DIP2A: variants seen among roughly 807,000 people sequenced by gnomAD.
DIP2A encodes disco-interacting protein 2 homolog A.
Under a neutral mutation model 177.4 loss-of-function variants are expected in DIP2A, and 85 were observed. The ratio of observed to expected loss-of-function variants is 0.48; its 90% CI spans 0.40 to 0.57. The LOEUF is 0.57. DIP2A is among the 20% of genes least tolerant of loss of function. The pLI is 0.00. For synonymous variants in DIP2A, 886 were observed against 881.8 expected, an observed-to-expected ratio of 1.00 and a Z score of -0.08; for missense variants, 1,791 against 2,100.2, an observed-to-expected ratio of 0.85 and a Z score of 2.88.
intron 13 of DIP2A, among the ~76,000 whole-genome samples, chr21:46,535,578 A>G (rs1307671407): frequency 1.3e-5 from 2 of 152,198 alleles, no homozygotes; most frequent in Non-Finnish European, 2.9e-5. Flanking sequence ...GAAATTTTAA[A>G]TAGAATTTTT....
chr21:46,494,419 G>C (rs1315895581), intron 3 of DIP2A, among the ~76,000 whole-genome samples: 1 of 152,238 alleles, frequency 6.6e-6, no homozygotes, highest in African/African-American at 2.4e-5. Context: ...CAAGAGGCCT[G>C]TTGGGCCTGA....
At position 46,567,230 on chromosome 21, in the gene DIP2A, C is replaced by T; in HGVS notation, c.4464-140C>T. On this transcript the variant is annotated intron_variant, in intron 37 of 37. Transcript: ENST00000417564. ...TCCTGTAAAATGGATCTGGCCTGAT[C>T]TTTAGATTGTAAATGGCCTTAAATA... The T allele has an allele frequency of 2.3e-6, 3 of 1,277,786 alleles. No homozygotes were observed. The South Asian group carries it at 4.4e-5, about 19-fold the overall frequency. 79.2% of individuals were successfully genotyped at this position (1,277,786 alleles called of 1,614,324 possible). A position where few individuals can be genotyped will look rare whatever the true frequency, so the allele number is the denominator to read the frequency against.
intron 21 of DIP2A, among the ~76,000 whole-genome samples, chr21:46,547,460 A>G (rs1262973080): frequency 6.6e-6 from 1 of 152,150 alleles, no homozygotes; most frequent in Non-Finnish European, 1.5e-5. Flanking sequence ...CAACTTTTCT[A>G]CATGTGTAAA....
At chr21:46,554,024 G>A (rs1445166179) in intron 25 of DIP2A, 145 bp from the exon 26 acceptor site, 9 of 1,157,486 alleles carry the variant, frequency 7.8e-6, no homozygotes, top group South Asian at 3.2e-5. Context: ...CCAGCCGTAC[G>A]TCTAGGACTG....
In DIP2A at chr21:46,557,450, C is replaced by A. The variant is rs1053719394; in HGVS notation, c.3630-135C>A. 5.4e-6 allele frequency: 6 copies of A among 1,109,948 alleles called. No homozygotes were observed. Among genetic ancestry groups the A allele is most frequent in the Non-Finnish European group, 7.5e-6 (6 of 799,296 alleles). 68.8% of individuals were successfully genotyped at this position (1,109,948 alleles called of 1,614,324 possible). ...ACCCTGTGGCATGTTTTCCACCAAA[C>A]CCCCCCACTTGGCGTCAGAACAGAA... On this transcript the variant is annotated intron_variant, in intron 30 of 37. Transcript: ENST00000417564. The surrounding 1 kb of genome is among the most constrained non-coding windows in gnomAD (Gnocchi z 6.0).
At position 46,477,543 on chromosome 21, in the gene DIP2A, T is replaced by TTTTGTGTGTGTGTGTGTGTG. The variant is rs374607636; in HGVS notation, c.92-7213_92-7212insTTGTGTGTGTGTGTGTGTGT. On this transcript the variant is annotated intron_variant, in intron 1 of 37. Transcript: ENST00000417564. ...CTCCGCCTAAAATAAAAAAAAAGAT[T>TTTTGTGTGTGTGTGTGTGTG]TGTGTGTGTGTGTGTGTGTGTGTGT... is the stretch of plus-strand genomic sequence containing the variant. Among the ~76,000 whole-genome samples, 488 of 87,106 alleles carry TTTTGTGTGTGTGTGTGTGTG rather than the reference T, an allele frequency of 5.6e-3. 17 individuals carry two copies. Among genetic ancestry groups the TTTTGTGTGTGTGTGTGTGTG allele is most frequent in the South Asian group, 0.019 (44 of 2,286 alleles). 57.1% of individuals were successfully genotyped at this position (87,106 alleles called of 152,430 possible). A position where few individuals can be genotyped will look rare whatever the true frequency, so the allele number is the denominator to read the frequency against.
rs146388189 is a variant in DIP2A at position 46,480,467 on chromosome 21, A to G, written c.92-4290A>G. On this transcript the variant is annotated intron_variant, in intron 1 of 37. Transcript: ENST00000417564. The stretch of plus-strand genomic sequence containing the variant: ...TGGGGAGGACACAGAGCCAGACCAT[A>G]TCAGGTGTGGATCATCCCTCATTTT... 1.1e-3 allele frequency among the ~76,000 whole-genome samples: 174 copies of G among 152,228 alleles called. 1 individual carries two copies. Among genetic ancestry groups the G allele is most frequent in the Admixed American group, 2.4e-3 (36 of 15,288 alleles).
At chr21:46,576,295 C>T in the DIP2A span, among the ~76,000 whole-genome samples, 1 of 152,090 alleles carries the variant, frequency 6.6e-6, no homozygotes, top group African/African-American at 2.4e-5. Flanking sequence ...CCCCAACAGG[C>T]CCCAGTGTGT....
At chr21:46,466,598 G>T (rs1462330751) in intron 1 of DIP2A, among the ~76,000 whole-genome samples, 1 of 151,560 alleles carries the variant, frequency 6.6e-6, no homozygotes, top group Non-Finnish European at 1.5e-5. Flanking sequence ...CGCCCGCATT[G>T]ATCTCCTAAA....
chr21:46,558,363 G>T lies in DIP2A; in HGVS notation c.3939G>T (p.Gly1313=). 6.2e-7 allele frequency: 1 copy of T among 1,602,084 alleles called. No homozygotes were observed. ...LPARAVSTTF[G]CRVNVAICLQ... ...CCCGCGCCGTAAGCACCACGTTCGG[G>T]TGCAGGGTCAACGTGGCCATCTGCC... The change falls in exon 32 of 38, where the codon GGG becomes GGT. Residue 1313 remains glycine (G), a synonymous_variant. Transcript: ENST00000417564.
In DIP2A at chr21:46,557,828, A is replaced by G. The variant is rs2060520422; in HGVS notation, c.3798+75A>G. 28 of 1,508,388 alleles carry G rather than the reference A, an allele frequency of 1.9e-5. No individual in the cohort carries two copies. Among genetic ancestry groups the G allele is most frequent in the Non-Finnish European group, 2.3e-5 (26 of 1,114,576 alleles). The allele number at this position is 1,508,388 out of a possible 1,614,324, so 93.4% of individuals were successfully genotyped here. ...GGAAGTTTAAAAACAACAAAACAAAACAAGACTCCCAAGGCCCCTCCCTGC... is the reference window on the plus strand; with the variant it reads ...GGAAGTTTAAAAACAACAAAACAAAGCAAGACTCCCAAGGCCCCTCCCTGC... On this transcript the variant is annotated intron_variant, in intron 31 of 37. Coordinates refer to ENST00000417564, the MANE Select transcript of DIP2A (RefSeq NM_015151.4). The surrounding 1 kb of genome is among the most constrained non-coding windows in gnomAD (Gnocchi z 6.0).
chr21:46,552,578 A>G (rs369364847), intron 25 of DIP2A, among the ~76,000 whole-genome samples: 69 of 152,272 alleles, frequency 4.5e-4, no homozygotes, highest in African/African-American at 1.5e-3. Flanking sequence ...TTGGTGTCGT[A>G]AAGAGTAGGT....
intron 33 of DIP2A, chr21:46,561,316 CGAT>C: frequency 3.4e-6 from 1 of 295,092 alleles, no homozygotes; most frequent in South Asian, 3.3e-5. Flanking sequence ...TCTTGATGAA[CGAT>C]GGTGGTGCAT....
the DIP2A span, among the ~76,000 whole-genome samples, chr21:46,582,336 C>T: frequency 0.11 from 16,642 of 152,104 alleles, 1,331 homozygotes; most frequent in African/African-American, 0.22. Context: ...TGATGGTGGC[C>T]GCCCCTCCCC....
In DIP2A at chr21:46,509,381, G is replaced by A. The variant is rs200429614; in HGVS notation, c.904+5G>A. The A allele has an allele frequency of 4.5e-4, 715 of 1,603,514 alleles. No individual in the cohort carries two copies. Among genetic ancestry groups the A allele is most frequent in the Non-Finnish European group, 5.8e-4 (686 of 1,176,192 alleles). On this transcript the variant is annotated splice_donor_5th_base_variant and intron_variant, in intron 7 of 37. Coordinates refer to ENST00000417564, the MANE Select transcript of DIP2A (RefSeq NM_015151.4). ...ATTTTGAGGAATTGTTGGAAGGTAA[G>A]AGTTGTCCAACTTTGAGCTTTTCTG...
intron 25 of DIP2A, 84 bp from the exon 26 acceptor site, chr21:46,554,075 TGTGCAGTGGC>T (rs2060366592): frequency 6.8e-7 from 1 of 1,463,220 alleles, no homozygotes; most frequent in Admixed American, 2.2e-5. Flanking sequence ...CAAGGTGTCG[TGTGCAGTGGC>T]GTGCAGGTGG....
intron 1 of DIP2A, among the ~76,000 whole-genome samples, chr21:46,475,674 G>A (rs1214022152): frequency 3.9e-5 from 6 of 152,128 alleles, no homozygotes; most frequent in African/African-American, 1.2e-4. Flanking sequence ...ATGTACCCAC[G>A]TACCTACCAC....
intron 22 of DIP2A, 54 bp downstream of exon 22, chr21:46,549,939 C>A (rs747188894): frequency 6.3e-7 from 1 of 1,599,150 alleles, no homozygotes; most frequent in Admixed American, 1.7e-5. Context: ...CTGGCACCCC[C>A]ACTCCACTCC....
chr21:46,516,676 G>A (rs2058596392), intron 8 of DIP2A, among the ~76,000 whole-genome samples: 1 of 151,468 alleles, frequency 6.6e-6, no homozygotes, highest in African/African-American at 2.4e-5. Context: ...TGTGTTTTTA[G>A]TAGAGACAGG....
Sources: gnomAD v4.1 joint callset for allele counts (sites outside exome capture counted in the v4.1 genomes callset) on GRCh38, gnomAD v4.1.1 for gene constraint, Gnocchi (gnomAD v3.1) non-coding constraint, MANE v1.5 for transcripts, NCBI Gene and HGNC (gene_info 2026-07-23, HGNC 2026-07-21) for gene names.